The following HTRA3 variants were observed in gnomAD, a reference collection of about 807,000 sequenced individuals.
HTRA3 encodes serine protease HTRA3.
HTRA3 carries 41 observed loss-of-function variants against 43.2 expected under a neutral mutation model. The ratio of observed to expected loss-of-function variants is 0.95; its 90% CI spans 0.74 to 1.23. The LOEUF is 1.23. Among genes scored for constraint, HTRA3 ranks in the 50% most tolerant of loss-of-function variants. HTRA3 has a pLI of 0.00. For synonymous variants in HTRA3, 295 were observed against 287.9 expected (o/e 1.02, Z -0.25); for missense variants, 628 against 647.1 (o/e 0.97, Z 0.32).
rs1713425307 is a variant in HTRA3 at position 8,295,576 on chromosome 4, C to G, written c.1051+1375C>G. ...GGGGGCCTCTCCCTCCCCACCTTCT[C>G]TTCAGCCCTAGTGAGCTTCTCCCTC... On this transcript the variant is annotated intron_variant, in intron 6 of 8. Coordinates refer to ENST00000307358, the MANE Select transcript of HTRA3 (RefSeq NM_053044.5). This position sits in a 1 kb window ranked among gnomAD's most constrained non-coding sequence, Gnocchi z 6.9. The G allele has an allele frequency of 3.0e-6, 2 of 658,088 alleles. No individual in the cohort carries two copies. Among genetic ancestry groups the G allele is most frequent in the Non-Finnish European group, 4.4e-6 (2 of 449,662 alleles). 40.8% of individuals were successfully genotyped at this position (658,088 alleles called of 1,614,324 possible).
intron 2 of HTRA3, among the ~76,000 whole-genome samples, chr4:8,285,840 C>T (rs1174183017): frequency 2.0e-5 from 3 of 152,226 alleles, no homozygotes; most frequent in African/African-American, 7.2e-5. Context: ...GGGCTCGGGT[C>T]CTGCATCTGC....
chr4:8,306,056 A>G lies in HTRA3; in HGVS notation c.1282A>G (p.Thr428Ala). 6.2e-7 allele frequency: 1 copy of G among 1,612,220 alleles called. No homozygotes were observed. Among genetic ancestry groups the G allele is most frequent in the Non-Finnish European group, 8.5e-7 (1 of 1,179,294 alleles). The change falls in exon 9 of 9, where the codon ACC becomes GCC. Residue 428 changes from threonine to alanine, a missense_variant. Coordinates refer to ENST00000307358, the MANE Select transcript of HTRA3 (RefSeq NM_053044.5). This position sits in a 1 kb window ranked among gnomAD's most constrained non-coding sequence, Gnocchi z 8.9. ...GAGTGAGCTGCAGGAGGCCGTGCTG[A>G]CCGAGTCTCCTCTCCTACTGGAGGT... ...DSSELQEAVLTESPLLLEVRR... is the reference protein window; with the variant it reads ...DSSELQEAVLAESPLLLEVRR...
chr4:8,296,167 AG>A lies in HTRA3; in HGVS notation c.1051+1967del, dbSNP rs1713447164. The stretch of plus-strand genomic sequence containing the variant: ...GAGCTGTGAGGTGGCTTTCCTTGGA[AG>A]TGGATGATAGTGTCCTCTTCCCTTC... On this transcript the variant is annotated intron_variant, in intron 6 of 8. Coordinates refer to ENST00000307358, the MANE Select transcript of HTRA3 (RefSeq NM_053044.5). The surrounding 1 kb of genome is among the most constrained non-coding windows in gnomAD (Gnocchi z 5.3). The A allele has an allele frequency of 1.0e-6, 1 of 988,274 alleles. No individual in the cohort carries two copies. Among genetic ancestry groups the A allele is most frequent in the East Asian group, 1.1e-4 (1 of 8,966 alleles). 61.2% of individuals were successfully genotyped at this position (988,274 alleles called of 1,614,324 possible). A position where few individuals can be genotyped will look rare whatever the true frequency, so the allele number is the denominator to read the frequency against.
chr4:8,276,848 G>A (rs1449302868), intron 1 of HTRA3, among the ~76,000 whole-genome samples: 2 of 152,258 alleles, frequency 1.3e-5, no homozygotes, highest in African/African-American at 4.8e-5. Flanking sequence ...GGCTTGCGGG[G>A]CCTGGCTGTG....
chr4:8,280,378 G>A (rs767739809), intron 1 of HTRA3, among the ~76,000 whole-genome samples: 6 of 152,122 alleles, frequency 3.9e-5, no homozygotes, highest in Non-Finnish European at 8.8e-5. Context: ...GGGTCTGAGC[G>A]CATCTTGTGA....
In HTRA3 at chr4:8,286,354, C is replaced by T. The variant is rs1472009711; in HGVS notation, c.486-207C>T. Reference sequence around the variant, plus strand: ...TGCAGCGAGAGGTGATCATCATCACCTCTTTATGGCTGTGAATGGGTGCAG... The same window carrying T: ...TGCAGCGAGAGGTGATCATCATCACTTCTTTATGGCTGTGAATGGGTGCAG... On this transcript the variant is annotated intron_variant, in intron 2 of 8. Coordinates refer to ENST00000307358, the MANE Select transcript of HTRA3 (RefSeq NM_053044.5). This position sits in a 1 kb window ranked among gnomAD's most constrained non-coding sequence, Gnocchi z 4.9. Among the ~76,000 whole-genome samples the T allele has an allele frequency of 6.6e-6, 1 of 152,148 alleles. No homozygotes were observed. Among genetic ancestry groups the T allele is most frequent in the Admixed American group, 6.5e-5 (1 of 15,280 alleles).
In HTRA3 at chr4:8,286,163, T is replaced by C. The variant is rs1467302718; in HGVS notation, c.486-398T>C. Among the ~76,000 whole-genome samples, 1 of 152,174 alleles carries C rather than the reference T, an allele frequency of 6.6e-6. No homozygotes were observed. The highest frequency in any genetic ancestry group is 1.5e-5 in the Non-Finnish European group (1 of 68,030). Reference sequence around the variant, plus strand: ...ATTTCCCAAATGGGGAGACCAAGGCTCAGAGAGCTTCACTGACCTGCCCAC... The same window carrying C: ...ATTTCCCAAATGGGGAGACCAAGGCCCAGAGAGCTTCACTGACCTGCCCAC... On this transcript the variant is annotated intron_variant, in intron 2 of 8. Transcript: ENST00000307358. The surrounding 1 kb of genome is among the most constrained non-coding windows in gnomAD (Gnocchi z 4.9).
At chr4:8,281,399 C>T (rs780327134) in intron 1 of HTRA3, among the ~76,000 whole-genome samples, 18 of 152,212 alleles carry the variant, frequency 1.2e-4, no homozygotes, top group Non-Finnish European at 1.9e-4. Context: ...GCCCCCCGGG[C>T]AGGGACTCGA....
rs1712641619 is a variant in HTRA3 at position 8,279,070 on chromosome 4, G to A, written c.386-3367G>A. On this transcript the variant is annotated intron_variant, in intron 1 of 8. Transcript: ENST00000307358. This position sits in a 1 kb window ranked among gnomAD's most constrained non-coding sequence, Gnocchi z 7.4. ...GTCTCACCCTGTGCTGGTTACCACT[G>A]GGGTGTGGAAGCGAACCAGATGGTC... 6.6e-6 allele frequency among the ~76,000 whole-genome samples: 1 copy of A among 151,854 alleles called. No homozygotes were observed. The highest frequency in any genetic ancestry group is 1.5e-5 in the Non-Finnish European group (1 of 68,002).
At chr4:8,281,009 C>G (rs538387947) in intron 1 of HTRA3, among the ~76,000 whole-genome samples, 107 of 152,348 alleles carry the variant, frequency 7.0e-4, no homozygotes, top group African/African-American at 2.5e-3. Context: ...TGGTTCTCCC[C>G]TCCCAGCCGT....
At chr4:8,287,733 C>G (rs1422060673) in intron 3 of HTRA3, among the ~76,000 whole-genome samples, 1 of 152,146 alleles carries the variant, frequency 6.6e-6, no homozygotes, top group African/African-American at 2.4e-5. Context: ...GACACAGAGC[C>G]AAACCATATC....
intron 3 of HTRA3, among the ~76,000 whole-genome samples, chr4:8,288,877 T>G (rs1713102100): frequency 9.5e-6 from 1 of 105,638 alleles, no homozygotes. Context: ...CACCCCCAAA[T>G]TTTCCTTCCT....
At chr4:8,283,360 G>C (rs769590443) in intron 2 of HTRA3, among the ~76,000 whole-genome samples, 4 of 152,162 alleles carry the variant, frequency 2.6e-5, no homozygotes, top group Non-Finnish European at 5.9e-5. Context: ...TCTTCCCACA[G>C]GGCCTGCCCC....
rs1713851229 is a variant in HTRA3 at position 8,306,385 on chromosome 4, T to C, written c.*249T>C. The C allele has an allele frequency of 4.8e-6, 2 of 416,562 alleles. No individual in the cohort carries two copies. Among genetic ancestry groups the C allele is most frequent in the Non-Finnish European group, 4.3e-6 (1 of 233,184 alleles). 25.8% of individuals were successfully genotyped at this position (416,562 alleles called of 1,614,324 possible). Reference sequence around the variant, plus strand: ...TTGTACAGATGATCCTGAAAGTCACTTCCAAGTTCTCCGGATATTCACAAA... The same window carrying C: ...TTGTACAGATGATCCTGAAAGTCACCTCCAAGTTCTCCGGATATTCACAAA... On this transcript the variant is annotated 3_prime_UTR_variant, in exon 9 of 9. Coordinates refer to ENST00000307358, the MANE Select transcript of HTRA3 (RefSeq NM_053044.5). The surrounding 1 kb of genome is among the most constrained non-coding windows in gnomAD (Gnocchi z 8.9).
chr4:8,275,807 T>C (rs1712496686), intron 1 of HTRA3, among the ~76,000 whole-genome samples: 1 of 152,150 alleles, frequency 6.6e-6, no homozygotes, highest in African/African-American at 2.4e-5. Context: ...TGAGAAAGGG[T>C]TCAGGGAGCT....
Position 8,270,184 on chromosome 4 carries a change from G to A in HTRA3, c.216G>A (p.Glu72=). The A allele has an allele frequency of 6.5e-7, 1 of 1,536,302 alleles. No homozygotes were observed. Among genetic ancestry groups the A allele is most frequent in the Non-Finnish European group, 8.7e-7 (1 of 1,154,722 alleles). Residue 72 remains glutamate (E), a synonymous_variant, in exon 1 of 9, where the codon GAG becomes GAA. Coordinates refer to ENST00000307358, the MANE Select transcript of HTRA3 (RefSeq NM_053044.5). ...CGGPLDSPCG[E]SLECVRGLCR... is the part of the protein sequence containing the mutation. ...GCCCTCTGGACTCGCCTTGCGGCGA[G>A]AGCCTGGAGTGCGTGCGCGGCCTAT...
intron 6 of HTRA3, among the ~76,000 whole-genome samples, chr4:8,298,390 C>T (rs1713530372): frequency 6.6e-6 from 1 of 152,208 alleles, no homozygotes. Context: ...GTTCTTTCTA[C>T]ATTCTGGATA....
In HTRA3 at chr4:8,292,304, G is replaced by C. The variant is rs1161576911; in HGVS notation, c.904-17G>C. On this transcript the variant is annotated splice_polypyrimidine_tract_variant and intron_variant, in intron 4 of 8. Transcript: ENST00000307358. Reference sequence around the variant, plus strand: ...GGCGGGGTCAGGCACAGCTAATGCTGTTTCCTCCCCTTGCAGTACGGGAAC... The same window carrying C: ...GGCGGGGTCAGGCACAGCTAATGCTCTTTCCTCCCCTTGCAGTACGGGAAC... The C allele has an allele frequency of 6.2e-7, 1 of 1,612,302 alleles. No individual in the cohort carries two copies. Among genetic ancestry groups the C allele is most frequent in the Non-Finnish European group, 8.5e-7 (1 of 1,179,248 alleles).
chr4:8,282,330 CA>C, intron 1 of HTRA3, 106 bp from the exon 2 acceptor site: 2 of 851,310 alleles, frequency 2.3e-6, no homozygotes, highest in South Asian at 1.5e-5. Flanking sequence ...TGAACTGGGA[CA>C]GGGGTCTCAG....
Sources: allele counts gnomAD v4.1 joint callset (sites outside exome capture counted in the v4.1 genomes callset), GRCh38; gene constraint gnomAD v4.1.1; non-coding constraint Gnocchi (gnomAD v3.1); transcripts MANE v1.5; gene names NCBI Gene and HGNC (gene_info 2026-07-23, HGNC 2026-07-21).